Variants in PGCKA1 observed in about 807,000 individuals in gnomAD.
PGCKA1 encodes the protein PDCD10 and GCKIII kinases-associated protein 1.
the PGCKA1 span, among the ~76,000 whole-genome samples, chr4:37,571,861 A>G: frequency 6.6e-6 from 1 of 151,724 alleles, no homozygotes; most frequent in African/African-American, 2.4e-5. Context: ...CGAACTTCTG[A>G]CCTCAAGCGA....
At chr4:37,554,241 G>A in the PGCKA1 span, among the ~76,000 whole-genome samples, 1 of 152,322 alleles carries the variant, frequency 6.6e-6, no homozygotes, top group Non-Finnish European at 1.5e-5. Flanking sequence ...ACGTGGAACT[G>A]TGAGTCCATT....
At chr4:37,576,410 G>C in the PGCKA1 span, among the ~76,000 whole-genome samples, 1 of 151,888 alleles carries the variant, frequency 6.6e-6, no homozygotes, top group African/African-American at 2.4e-5. Context: ...AAATGCTACA[G>C]GTTTTTGTAT....
chr4:37,498,014 A>G, the PGCKA1 span, among the ~76,000 whole-genome samples: 1 of 151,868 alleles, frequency 6.6e-6, no homozygotes, highest in Non-Finnish European at 1.5e-5. Flanking sequence ...CTAGAATATT[A>G]TGTTCTAGAA....
chr4:37,550,511 C>T, the PGCKA1 span, among the ~76,000 whole-genome samples: 1 of 152,166 alleles, frequency 6.6e-6, no homozygotes, highest in Non-Finnish European at 1.5e-5. Context: ...ACTGTGGGAG[C>T]TGCAGCCCTT....
At chr4:37,465,866 A>G in the PGCKA1 span, among the ~76,000 whole-genome samples, 7 of 152,152 alleles carry the variant, frequency 4.6e-5, no homozygotes, top group Admixed American at 6.5e-5. Flanking sequence ...CTGTATCTTC[A>G]TGGAAAGTTC....
the PGCKA1 span, chr4:37,588,884 G>A: frequency 1.2e-6 from 2 of 1,613,362 alleles, no homozygotes; most frequent in Admixed American, 1.7e-5. Context: ...TGCAGGTGCT[G>A]TAAAATAATA....
At chr4:37,486,048 T>C in the PGCKA1 span, among the ~76,000 whole-genome samples, 1 of 152,230 alleles carries the variant, frequency 6.6e-6, no homozygotes, top group Non-Finnish European at 1.5e-5. Flanking sequence ...TATGTCTTTG[T>C]TCAAGGTAGA....
chr4:37,573,807 T>A, the PGCKA1 span, among the ~76,000 whole-genome samples: 1 of 152,240 alleles, frequency 6.6e-6, no homozygotes, highest in African/African-American at 2.4e-5. Flanking sequence ...TAATACAGAT[T>A]CTCAAATTTG....
At chr4:37,477,737 A>G in the PGCKA1 span, among the ~76,000 whole-genome samples, 4 of 152,170 alleles carry the variant, frequency 2.6e-5, no homozygotes, top group Non-Finnish European at 5.9e-5. Flanking sequence ...TTGGGAATTT[A>G]CCTTGCCTAC....
At chr4:37,464,656 A>G in the PGCKA1 span, among the ~76,000 whole-genome samples, 1 of 152,206 alleles carries the variant, frequency 6.6e-6, no homozygotes, top group Admixed American at 6.5e-5. Flanking sequence ...CCTTATATAA[A>G]AGCCACACGA....
chr4:37,490,388 A>G, the PGCKA1 span, among the ~76,000 whole-genome samples: 2 of 152,198 alleles, frequency 1.3e-5, no homozygotes, highest in Non-Finnish European at 1.5e-5. Flanking sequence ...TTAAAAGACT[A>G]GACTCATGTT....
chr4:37,512,454 CTT>C, the PGCKA1 span, among the ~76,000 whole-genome samples: 20 of 126,922 alleles, frequency 1.6e-4, no homozygotes, highest in Non-Finnish European at 9.7e-5. Context: ...GTGTTGATTT[CTT>C]TTTTTTTTTT....
chr4:37,484,103 G>A, the PGCKA1 span, among the ~76,000 whole-genome samples: 3 of 152,142 alleles, frequency 2.0e-5, no homozygotes, highest in Non-Finnish European at 4.4e-5. Context: ...GTGTCTGCCC[G>A]AAATTTATAT....
the PGCKA1 span, among the ~76,000 whole-genome samples, chr4:37,495,059 A>C: frequency 6.6e-6 from 1 of 152,164 alleles, no homozygotes; most frequent in African/African-American, 2.4e-5. Flanking sequence ...CCCATCAAAA[A>C]GTGGGCAAAG....
chr4:37,546,597 TC>T, the PGCKA1 span, among the ~76,000 whole-genome samples: 1 of 152,224 alleles, frequency 6.6e-6, no homozygotes, highest in Non-Finnish European at 1.5e-5. Context: ...TTGCTGATGC[TC>T]CCAGCTGAAT....
At chr4:37,495,290 G>A in the PGCKA1 span, among the ~76,000 whole-genome samples, 4 of 152,174 alleles carry the variant, frequency 2.6e-5, no homozygotes, top group Admixed American at 2.6e-4. Context: ...TGGTGGGAGT[G>A]TAAATTAGTT....
the PGCKA1 span, among the ~76,000 whole-genome samples, chr4:37,563,972 A>G: frequency 6.6e-6 from 1 of 152,072 alleles, no homozygotes; most frequent in Non-Finnish European, 1.5e-5. Context: ...CTAGCACCCA[A>G]TGGTTAAAGA....
At chr4:37,484,576 A>G in the PGCKA1 span, among the ~76,000 whole-genome samples, 8 of 152,210 alleles carry the variant, frequency 5.3e-5, no homozygotes, top group African/African-American at 1.4e-4. Flanking sequence ...CCTTATGATT[A>G]TCAGCTTCCT....
At chr4:37,541,702 A>G in the PGCKA1 span, among the ~76,000 whole-genome samples, 1 of 152,216 alleles carries the variant, frequency 6.6e-6, no homozygotes, top group Non-Finnish European at 1.5e-5. Flanking sequence ...GAGGCCACAC[A>G]GCTTATAAGT....
Sources: gnomAD v4.1 joint callset for allele counts (sites outside exome capture counted in the v4.1 genomes callset) on GRCh38, gnomAD v4.1.1 for gene constraint, MANE v1.5 for transcripts, NCBI Gene and HGNC (gene_info 2026-07-23, HGNC 2026-07-21) for gene names.